Variants in ABCA9 observed in about 807,000 individuals in gnomAD.
ABCA9 encodes ATP binding cassette subfamily A member 9, also known as ATP-binding cassette sub-family A member 9.
Under a neutral mutation model 205.3 loss-of-function variants are expected in ABCA9, and 183 were observed. That is an observed-to-expected ratio of 0.89 (90% confidence interval 0.79 to 1.01). The LOEUF (loss-of-function observed/expected upper bound fraction) is 1.01, where lower values mean the gene tolerates loss of function less well. Among genes scored for constraint, ABCA9 ranks in the 50% least tolerant of loss-of-function variants. The pLI, the probability that ABCA9 is intolerant of heterozygous loss-of-function variation, is 0.00. For synonymous variants in ABCA9, 651 were observed against 683.3 expected (o/e 0.95, Z 0.74); for missense variants, 1,805 against 1,912.4 (o/e 0.94, Z 1.05).
At chr17:69,016,008 G>A (rs1053193128) in intron 22 of ABCA9, among the ~76,000 whole-genome samples, 7 of 150,182 alleles carry the variant, frequency 4.7e-5, no homozygotes, top group Middle Eastern at 3.4e-3. Context: ...ATAATGTTGC[G>A]TGGTCATTTC....
chr17:69,035,889 A>C, intron 6 of ABCA9, 88 bp from the exon 7 acceptor site: 13 of 1,472,990 alleles, frequency 8.8e-6, no homozygotes, highest in Non-Finnish European at 1.0e-5. Context: ...TGTGAAGCTC[A>C]CCATTTATCA....
At chr17:69,076,621 G>T in the ABCA9 span, among the ~76,000 whole-genome samples, 1 of 152,242 alleles carries the variant, frequency 6.6e-6, no homozygotes, top group African/African-American at 2.4e-5. Context: ...ATAGAATTCA[G>T]TTGTGAATCC....
chr17:68,990,735 A>C, intron 29 of ABCA9, 102 bp downstream of exon 29: 2 of 1,439,894 alleles, frequency 1.4e-6, no homozygotes. Context: ...ATGTGTAAGA[A>C]TGAAAGAACC....
chr17:68,981,889 G>T lies in ABCA9; in HGVS notation c.4720+673C>A, dbSNP rs867380571. On this transcript the variant is annotated intron_variant, in intron 37 of 38. Transcript: ENST00000340001. The stretch of plus-strand genomic sequence containing the variant: ...AGGATGCTTGAGGCCTCTGATGAAG[G>T]CAGGTAACAAGCCAGAAAGTACAGC... 3.4e-5 allele frequency among the ~76,000 whole-genome samples: 5 copies of T among 147,992 alleles called. No homozygotes were observed. The Middle Eastern group carries it at 0.014, about 429-fold the overall frequency.
chr17:69,059,798 C>T (rs888936970), intron 1 of ABCA9, among the ~76,000 whole-genome samples: 2 of 152,018 alleles, frequency 1.3e-5, no homozygotes, highest in African/African-American at 4.8e-5. Context: ...TGACGTGCCT[C>T]ATCAGCAGAA....
chr17:68,985,018 G>C (rs181800371), intron 33 of ABCA9, 35 bp downstream of exon 33: 17 of 1,613,960 alleles, frequency 1.1e-5, no homozygotes, highest in Non-Finnish European at 3.4e-6. Context: ...TCCCATCTAC[G>C]GCACTTGCAG....
chr17:69,058,910 C>T (rs554519780), intron 1 of ABCA9, among the ~76,000 whole-genome samples: 2 of 151,986 alleles, frequency 1.3e-5, no homozygotes, highest in Admixed American at 1.3e-4. Flanking sequence ...CACAGTTCTA[C>T]ATGACTGGGG....
At chr17:68,977,859 C>T (rs375512852) in intron 37 of ABCA9, among the ~76,000 whole-genome samples, 8 of 152,132 alleles carry the variant, frequency 5.3e-5, no homozygotes, top group African/African-American at 1.9e-4. Context: ...TTTGTTTTTC[C>T]CCCTAAATGA....
At chr17:69,045,377 A>G in intron 3 of ABCA9, 41 bp from the exon 4 acceptor site, 1 of 1,574,086 alleles carries the variant, frequency 6.4e-7, no homozygotes, top group Non-Finnish European at 8.6e-7. Context: ...TAAGCAAGAA[A>G]ATCTCTACCT....
intron 37 of ABCA9, 109 bp downstream of exon 37, chr17:68,982,453 A>G: frequency 1.2e-6 from 1 of 832,532 alleles, no homozygotes; most frequent in Non-Finnish European, 2.0e-6. Flanking sequence ...TAATGTATTA[A>G]TGATATAACA....
chr17:69,025,634 A>AAAT (rs1389562016), intron 16 of ABCA9, among the ~76,000 whole-genome samples: 1 of 152,198 alleles, frequency 6.6e-6, no homozygotes, highest in Non-Finnish European at 1.5e-5. Context: ...TTTGAGTAAA[A>AAAT]AATGAGGGGA....
At chr17:69,067,524 C>G in the ABCA9 span, among the ~76,000 whole-genome samples, 1 of 148,408 alleles carries the variant, frequency 6.7e-6, no homozygotes. Context: ...CCACAGCCTT[C>G]CAGCCTGGGC....
intron 6 of ABCA9, among the ~76,000 whole-genome samples, chr17:69,037,511 A>T (rs936179729): frequency 3.3e-5 from 5 of 152,190 alleles, no homozygotes; most frequent in Non-Finnish European, 7.4e-5. Context: ...AGTTTTTTGA[A>T]ATCAATGAGA....
intron 1 of ABCA9, among the ~76,000 whole-genome samples, chr17:69,056,633 A>G (rs2072077374): frequency 6.6e-6 from 1 of 152,218 alleles, no homozygotes; most frequent in African/African-American, 2.4e-5. Flanking sequence ...TCTCTTCTAG[A>G]TGCTAGAAGC....
At chr17:68,992,921 C>G in intron 27 of ABCA9, 95 bp downstream of exon 27, 1 of 1,006,304 alleles carries the variant, frequency 9.9e-7, no homozygotes, top group Non-Finnish European at 1.5e-6. Flanking sequence ...CTAAAATGTC[C>G]AAACCTTCTT....
chr17:69,032,112 T>G lies in ABCA9; in HGVS notation c.1441A>C (p.Ile481Leu). 1 of 1,609,092 alleles carries G rather than the reference T, an allele frequency of 6.2e-7. No homozygotes were observed. Among genetic ancestry groups the G allele is most frequent in the Non-Finnish European group, 8.5e-7 (1 of 1,177,936 alleles). Reference sequence around the variant, plus strand: ...TCCAAGTAATTTATTGGTTACCTGATGGCTTCTTTCCCACAGAATTCTGGA... The same window carrying G: ...TCCAAGTAATTTATTGGTTACCTGAGGGCTTCTTTCCCACAGAATTCTGGA... ...VSPEFCGKEA[I>L]RIKNLKKEYA... is the part of the protein sequence containing the mutation. Residue 481 changes from isoleucine (I) to leucine (L), a missense_variant, in exon 10 of 39, where the codon ATC becomes CTC. Coordinates refer to ENST00000340001, the MANE Select transcript of ABCA9 (RefSeq NM_080283.4).
At chr17:69,077,875 G>T in the ABCA9 span, among the ~76,000 whole-genome samples, 1 of 151,656 alleles carries the variant, frequency 6.6e-6, no homozygotes, top group East Asian at 1.9e-4. Flanking sequence ...ATGTTAAACT[G>T]ACAGGTATTT....
At chr17:69,019,312 A>G (rs1598380924) in intron 19 of ABCA9, among the ~76,000 whole-genome samples, 1 of 152,176 alleles carries the variant, frequency 6.6e-6, no homozygotes, top group South Asian at 2.1e-4. Flanking sequence ...CAGTCTTAAT[A>G]CTTCCTTAGT....
intron 6 of ABCA9, chr17:69,042,599 A>C (rs1427510692): frequency 6.6e-6 from 1 of 152,250 alleles, no homozygotes; most frequent in Non-Finnish European, 1.5e-5. Context: ...ATTTTACTGA[A>C]TATTGGAAAC....
Sources: gnomAD v4.1 joint callset for allele counts (sites outside exome capture counted in the v4.1 genomes callset) on GRCh38, gnomAD v4.1.1 for gene constraint, MANE v1.5 for transcripts, NCBI Gene and HGNC (gene_info 2026-07-23, HGNC 2026-07-21) for gene names.